The following TNIP3 variants were observed in gnomAD, a reference collection of about 807,000 sequenced individuals.
The protein encoded by TNIP3 is TNFAIP3 interacting protein 3.
TNIP3 carries 34 observed loss-of-function variants against 54.1 expected under a neutral mutation model. The observed-to-expected ratio is 0.63, with a 90% CI of 0.48 to 0.84. The LOEUF is 0.84. TNIP3 is among the 40% of genes least tolerant of loss of function. The pLI is 0.00. For synonymous variants in TNIP3, 134 were observed against 136.8 expected (o/e 0.98, Z 0.14); for missense variants, 366 against 387.6 (o/e 0.94, Z 0.47).
intron 2 of TNIP3, among the ~76,000 whole-genome samples, chr4:121,185,239 G>T (rs868846061): frequency 1.3e-5 from 2 of 151,966 alleles, no homozygotes; most frequent in Admixed American, 6.6e-5. Flanking sequence ...CGTTTGCATC[G>T]TCAAACTTTA....
chr4:121,167,371 C>G (rs537119283), upstream of TNIP3, among the ~76,000 whole-genome samples: 1 of 152,182 alleles, frequency 6.6e-6, no homozygotes, highest in South Asian at 2.1e-4. Flanking sequence ...TCATTATCAC[C>G]TTTAATAGCT....
At chr4:121,222,804 GTT>G (rs138758827) in intron 1 of TNIP3, among the ~76,000 whole-genome samples, 19,974 of 105,090 alleles carry the variant, frequency 0.19, 983 homozygotes, top group Middle Eastern at 0.35. Context: ...TTTTTTGTGC[GTT>G]TTTTTTTTTT....
At chr4:121,190,928 C>A (rs879814142) in intron 2 of TNIP3, among the ~76,000 whole-genome samples, 1 of 152,106 alleles carries the variant, frequency 6.6e-6, no homozygotes, top group Admixed American at 6.5e-5. Context: ...AGAAAAAGGA[C>A]AAAACCAAGA....
chr4:121,139,272 T>G (rs1033350408), intron 9 of TNIP3, among the ~76,000 whole-genome samples: 1 of 152,180 alleles, frequency 6.6e-6, no homozygotes, highest in Admixed American at 6.5e-5. Flanking sequence ...AGAGACAAGA[T>G]TTTTCTCTTG....
intron 3 of TNIP3, among the ~76,000 whole-genome samples, chr4:121,180,026 G>A (rs1724586311): frequency 6.6e-6 from 1 of 151,922 alleles, no homozygotes; most frequent in African/African-American, 2.4e-5. Flanking sequence ...GTGATGTAAG[G>A]GAAGCCAGTG....
At chr4:121,182,811 A>G (rs1324251422) in intron 2 of TNIP3, 3 of 1,533,776 alleles carry the variant, frequency 2.0e-6, no homozygotes, top group Admixed American at 2.0e-5. Context: ...CCAGAAAGAC[A>G]TGGGAAAGTT....
At chr4:121,192,477 C>A (rs1156491857) in intron 2 of TNIP3, among the ~76,000 whole-genome samples, 1 of 152,114 alleles carries the variant, frequency 6.6e-6, no homozygotes, top group African/African-American at 2.4e-5. Flanking sequence ...TATGCTGAAA[C>A]AAATCATGAT....
chr4:121,142,464 C>G (rs1729176457), intron 8 of TNIP3, among the ~76,000 whole-genome samples: 1 of 152,170 alleles, frequency 6.6e-6, no homozygotes, highest in African/African-American at 2.4e-5. Flanking sequence ...AAATCTATTT[C>G]CAGGTGCTTG....
chr4:121,213,048 G>A (rs1393519046), intron 2 of TNIP3, among the ~76,000 whole-genome samples: 1 of 152,128 alleles, frequency 6.6e-6, no homozygotes, highest in African/African-American at 2.4e-5. Flanking sequence ...TGTTGCATCT[G>A]GAAGAGAGTA....
At chr4:121,182,535 C>G (rs1003427713) in intron 3 of TNIP3, 1 of 990,964 alleles carries the variant, frequency 1.0e-6, no homozygotes, top group African/African-American at 1.6e-5. Context: ...AAGTTTTATA[C>G]TGCTTCAGTT....
chr4:121,196,927 T>C (rs113132130), intron 2 of TNIP3, among the ~76,000 whole-genome samples: 10,604 of 151,902 alleles, frequency 0.07, 1,232 homozygotes, highest in African/African-American at 0.24. Flanking sequence ...ATTAAAAAAA[T>C]GTAAGAAATA....
intron 2 of TNIP3, among the ~76,000 whole-genome samples, chr4:121,190,098 C>A (rs1426516043): frequency 6.6e-6 from 1 of 152,150 alleles, no homozygotes; most frequent in Admixed American, 6.5e-5. Context: ...ATAGGTTTGG[C>A]CTTCTTCTTG....
chr4:121,136,857 G>GAA (rs11338982), intron 10 of TNIP3, among the ~76,000 whole-genome samples: 942 of 58,882 alleles, frequency 0.016, 21 homozygotes, highest in Admixed American at 0.022. Flanking sequence ...GACTGTCTCC[G>GAA]AAAAAAAAAA....
intron 4 of TNIP3, 80 bp downstream of exon 4, chr4:121,157,014 G>T (rs1730140738): frequency 1.3e-6 from 2 of 1,574,164 alleles, no homozygotes; most frequent in Non-Finnish European, 1.7e-6. Context: ...TAATAAAACG[G>T]TAGGTTTTCT....
At chr4:121,211,070 T>A (rs185000065) in intron 2 of TNIP3, among the ~76,000 whole-genome samples, 34 of 152,260 alleles carry the variant, frequency 2.2e-4, no homozygotes, top group African/African-American at 8.2e-4. Flanking sequence ...CTTACATGGT[T>A]AGAACAATGA....
intron 2 of TNIP3, among the ~76,000 whole-genome samples, chr4:121,208,386 A>C (rs6534256): frequency 4.6e-5 from 7 of 152,266 alleles, no homozygotes; most frequent in African/African-American, 1.7e-4. Flanking sequence ...CACCCAGATC[A>C]ATAAACTGAT....
intron 3 of TNIP3, among the ~76,000 whole-genome samples, chr4:121,174,510 G>A (rs1724190902): frequency 6.6e-6 from 1 of 152,050 alleles, no homozygotes; most frequent in Non-Finnish European, 1.5e-5. Flanking sequence ...TCAAAACATG[G>A]GTGATACAAG....
intron 2 of TNIP3, among the ~76,000 whole-genome samples, chr4:121,206,224 A>T (rs962480114): frequency 1.6e-4 from 24 of 152,190 alleles, no homozygotes; most frequent in African/African-American, 5.1e-4. Flanking sequence ...GGAGATTCTT[A>T]CTTGGGATGT....
intron 2 of TNIP3, among the ~76,000 whole-genome samples, chr4:121,214,038 T>C (rs2148848814): frequency 6.6e-6 from 1 of 152,312 alleles, no homozygotes; most frequent in East Asian, 1.9e-4. Context: ...GTGGCAACCA[T>C]AATATCAATA....
Sources: allele counts gnomAD v4.1 joint callset (sites outside exome capture counted in the v4.1 genomes callset), GRCh38; gene constraint gnomAD v4.1.1; transcripts MANE v1.5; gene names NCBI Gene and HGNC (gene_info 2026-07-23, HGNC 2026-07-21).